The following SHISA9 variants were observed in gnomAD, a reference collection of about 807,000 sequenced individuals.
The protein encoded by SHISA9 is shisa family member 9.
Under a neutral mutation model 38.0 loss-of-function variants are expected in SHISA9, and 13 were observed. That is an observed-to-expected ratio of 0.34 (90% confidence interval 0.22 to 0.54). SHISA9 has a LOEUF of 0.54. Among genes scored for constraint, SHISA9 ranks in the 20% least tolerant of loss-of-function variants. The probability of loss-of-function intolerance (pLI) is 0.91; values close to 1 mark genes in which losing one functional copy is unlikely to be tolerated. For synonymous variants in SHISA9, 275 were observed against 242.0 expected (o/e 1.14, Z -1.27); for missense variants, 538 against 575.8 (o/e 0.93, Z 0.67).
the SHISA9 span, among the ~76,000 whole-genome samples, chr16:13,518,079 T>G: frequency 2.6e-5 from 4 of 152,260 alleles, no homozygotes; most frequent in South Asian, 8.3e-4. Flanking sequence ...TCAGGACCTG[T>G]GATATGTCTC....
chr16:13,327,620 A>T, the SHISA9 span, among the ~76,000 whole-genome samples: 52 of 152,148 alleles, frequency 3.4e-4, no homozygotes, highest in African/African-American at 1.1e-3. Flanking sequence ...TGTCTCAAAA[A>T]AGAAAAGGCA....
intron 4 of SHISA9, among the ~76,000 whole-genome samples, chr16:13,232,729 G>A (rs1167811005): frequency 6.6e-6 from 1 of 152,226 alleles, no homozygotes; most frequent in Non-Finnish European, 1.5e-5. Context: ...ATAGGTAAAT[G>A]TAAACATTTC....
In SHISA9 at chr16:13,235,487, ATCCTCCCCT is replaced by A; in HGVS notation, c.*79_*87del. On this transcript the variant is annotated 3_prime_UTR_variant, in exon 5 of 5. Transcript: ENST00000558583. ...AAACAACCCCGCCCACACCCTCCCC[ATCCTCCCCT>A]AATACATGCGTCCACACACTCACTC... 2.8e-6 allele frequency: 4 copies of A among 1,424,444 alleles called. No individual in the cohort carries two copies. The highest frequency in any genetic ancestry group is 3.7e-6 in the Non-Finnish European group (4 of 1,078,536). The allele number at this position is 1,424,444 out of a possible 1,614,324, so 88.2% of individuals were successfully genotyped here.
chr16:13,560,350 G>T, the SHISA9 span, among the ~76,000 whole-genome samples: 1 of 152,192 alleles, frequency 6.6e-6, no homozygotes, highest in Non-Finnish European at 1.5e-5. Context: ...AGCCAGGAGG[G>T]TGTAAGCTGC....
chr16:12,999,690 A>G (rs760728425), intron 2 of SHISA9, among the ~76,000 whole-genome samples: 2 of 152,164 alleles, frequency 1.3e-5, no homozygotes, highest in East Asian at 1.9e-4. Context: ...AAAATATCCT[A>G]TGGCACCAGG....
chr16:12,971,511 G>C (rs1007516207), intron 2 of SHISA9, among the ~76,000 whole-genome samples: 1 of 152,162 alleles, frequency 6.6e-6, no homozygotes, highest in African/African-American at 2.4e-5. Context: ...GATGGGGTGG[G>C]GAACTGTGAC....
chr16:13,447,765 C>G, the SHISA9 span, among the ~76,000 whole-genome samples: 3 of 152,092 alleles, frequency 2.0e-5, no homozygotes, highest in African/African-American at 7.2e-5. Context: ...ACAAAAAACT[C>G]TTTTTTTTCT....
At chr16:13,255,211 G>C in the SHISA9 span, among the ~76,000 whole-genome samples, 1 of 151,644 alleles carries the variant, frequency 6.6e-6, no homozygotes, top group Admixed American at 6.6e-5. Flanking sequence ...TTTCCTCTCT[G>C]TTCCTCTTCC....
At chr16:12,990,054 G>A (rs1474740248) in intron 2 of SHISA9, among the ~76,000 whole-genome samples, 1 of 152,166 alleles carries the variant, frequency 6.6e-6, no homozygotes, top group Admixed American at 6.5e-5. Context: ...TCCTGTGTCA[G>A]TTTGCTGGGA....
At chr16:13,264,107 C>T in the SHISA9 span, among the ~76,000 whole-genome samples, 3 of 151,542 alleles carry the variant, frequency 2.0e-5, no homozygotes, top group Non-Finnish European at 4.4e-5. Flanking sequence ...GGGTGGCTGT[C>T]ATCACCTGTG....
chr16:13,219,521 T>A (rs1362856785), intron 4 of SHISA9, among the ~76,000 whole-genome samples: 2 of 152,200 alleles, frequency 1.3e-5, no homozygotes, highest in African/African-American at 4.8e-5. Context: ...AGCTTGAGAC[T>A]ATTAATTTTT....
the SHISA9 span, among the ~76,000 whole-genome samples, chr16:13,420,275 G>GAAAAAAAA: frequency 1.5e-5 from 1 of 67,698 alleles, no homozygotes; most frequent in African/African-American, 5.1e-5. Context: ...AAAAAAAAAG[G>GAAAAAAAA]TTTTTTGCTC....
At chr16:13,465,638 A>T in the SHISA9 span, among the ~76,000 whole-genome samples, 1 of 152,204 alleles carries the variant, frequency 6.6e-6, no homozygotes, top group Non-Finnish European at 1.5e-5. Flanking sequence ...AAAGTCAACA[A>T]ATCTCCACAG....
At chr16:12,970,335 A>ACACATATATG (rs1567356747) in intron 2 of SHISA9, among the ~76,000 whole-genome samples, 6 of 91,406 alleles carry the variant, frequency 6.6e-5, no homozygotes, top group Non-Finnish European at 1.0e-4. Context: ...ACATATATAT[A>ACACATATATG]TATATATACA....
chr16:13,151,549 C>G (rs1312687143), intron 2 of SHISA9, among the ~76,000 whole-genome samples: 1 of 152,114 alleles, frequency 6.6e-6, no homozygotes, highest in East Asian at 1.9e-4. Context: ...TCTTATCCAC[C>G]CAGACATGTT....
At chr16:13,129,686 G>C (rs1286811990) in intron 2 of SHISA9, among the ~76,000 whole-genome samples, 1 of 152,192 alleles carries the variant, frequency 6.6e-6, no homozygotes, top group African/African-American at 2.4e-5. Context: ...GCTTTCTTTG[G>C]AGGGCTCAGA....
At chr16:13,428,823 CA>C in the SHISA9 span, among the ~76,000 whole-genome samples, 6 of 146,474 alleles carry the variant, frequency 4.1e-5, 1 homozygote, top group Non-Finnish European at 1.5e-5. Flanking sequence ...GGTTGGAGTG[CA>C]GTGGTGTGAT....
chr16:13,345,333 A>G, the SHISA9 span, among the ~76,000 whole-genome samples: 956 of 151,994 alleles, frequency 6.3e-3, 7 homozygotes, highest in African/African-American at 0.019. Context: ...TTTAGCTCCC[A>G]CTTGTAAGTG....
At chr16:13,136,919 G>C (rs1026735323) in intron 2 of SHISA9, among the ~76,000 whole-genome samples, 1 of 152,294 alleles carries the variant, frequency 6.6e-6, no homozygotes, top group Middle Eastern at 3.4e-3. Flanking sequence ...GTCATTGGCA[G>C]GTTCCTAAGG....
Sources: gnomAD v4.1 joint callset for allele counts (sites outside exome capture counted in the v4.1 genomes callset) on GRCh38, gnomAD v4.1.1 for gene constraint, MANE v1.5 for transcripts, NCBI Gene and HGNC (gene_info 2026-07-23, HGNC 2026-07-21) for gene names.